TENT4A: variants seen among roughly 807,000 people sequenced by gnomAD.
The protein encoded by TENT4A is DNA polymerase kappa.
In TENT4A, 7 loss-of-function variants were observed where a neutral mutation model predicts 72.8. The observed-to-expected ratio is 0.10, with a 90% confidence interval of 0.05 to 0.18. The LOEUF (loss-of-function observed/expected upper bound fraction) is 0.18. Ranked by LOEUF, TENT4A falls within the 10% of genes least tolerant of loss-of-function variation. The probability of loss-of-function intolerance (pLI) is 1.00; values close to 1 mark genes in which losing one functional copy is unlikely to be tolerated. For synonymous variants in TENT4A, 456 were observed against 434.3 expected (o/e 1.05, Z -0.62); for missense variants, 831 against 1,017.7 (o/e 0.82, Z 2.50).
intron 1 of TENT4A, among the ~76,000 whole-genome samples, chr5:6,724,016 G>C (rs926949550): frequency 6.6e-6 from 1 of 152,248 alleles, no homozygotes; most frequent in African/African-American, 2.4e-5. Flanking sequence ...TGGCAGCGCA[G>C]CTGCCTCAGT....
At position 6,714,636 on chromosome 5, in the gene TENT4A, G is replaced by C; in HGVS notation, c.653G>C (p.Gly218Ala). Reference protein sequence around the residue: ...AAALSGGGGPGAQAPRPGTPW... With the variant: ...AAALSGGGGPAAQAPRPGTPW... ...GCTCTCAGCGGAGGGGGCGGCCCCG[G>C]GGCCCAGGCGCCGCGGCCCGGCACC... Residue 218 changes from glycine to alanine, a missense_variant, in exon 1 of 13, where the codon GGG becomes GCG. Around this residue, in one of 3 missense-constraint regions of TENT4A, gnomAD observed 302 missense variants for 293.8 expected, o/e 1.03. Coordinates refer to ENST00000230859, the MANE Select transcript of TENT4A (RefSeq NM_006999.6). 1 of 1,198,942 alleles carries C rather than the reference G, an allele frequency of 8.3e-7. No individual in the cohort carries two copies. Among genetic ancestry groups the C allele is most frequent in the African/African-American group, 1.6e-5 (1 of 63,124 alleles). The allele number at this position is 1,198,942 out of a possible 1,614,324, so 74.3% of individuals were successfully genotyped here.
At position 6,755,773 on chromosome 5, in the gene TENT4A, C is replaced by T. The variant is rs1405702778; in HGVS notation, c.*828C>T. Reference sequence around the variant, plus strand: ...CCCCAGGCCGTTGTCCTGCTCTGACCACAGAGTTTTAATGTTTTGGTTTTC... The same window carrying T: ...CCCCAGGCCGTTGTCCTGCTCTGACTACAGAGTTTTAATGTTTTGGTTTTC... On this transcript the variant is annotated 3_prime_UTR_variant, in exon 13 of 13. Coordinates refer to ENST00000230859, the MANE Select transcript of TENT4A (RefSeq NM_006999.6). 2 of 152,284 alleles carry T rather than the reference C, an allele frequency of 1.3e-5. No homozygotes were observed. Among genetic ancestry groups the T allele is most frequent in the African/African-American group, 4.8e-5 (2 of 41,472 alleles). The allele number at this position is 152,284 out of a possible 1,614,324, so 9.4% of individuals were successfully genotyped here. A position where few individuals can be genotyped will look rare whatever the true frequency, so the allele number is the denominator to read the frequency against.
chr5:6,734,213 C>T (rs187295), intron 1 of TENT4A, among the ~76,000 whole-genome samples: 43,536 of 152,156 alleles, frequency 0.29, 6,688 homozygotes, highest in East Asian at 0.41. Flanking sequence ...TGGGTGGGCA[C>T]GGCTGGGCGG....
Position 6,751,133 on chromosome 5 carries a change from C to G in TENT4A, c.1955C>G (p.Pro652Arg). ...PLMAGLPTAL[P>R]MPSGKPQPTT... Reference sequence around the variant, plus strand: ...ATGGCCGGCTTACCCACCGCCTTGCCAATGCCCAGTGGCAAACCTCAGCCC... The same window carrying G: ...ATGGCCGGCTTACCCACCGCCTTGCGAATGCCCAGTGGCAAACCTCAGCCC... Residue 652 changes from proline to arginine, a missense_variant, in exon 11 of 13, where the codon CCA becomes CGA. Around this residue, in one of 3 missense-constraint regions of TENT4A, gnomAD observed 332 missense variants for 324.3 expected, o/e 1.02. Transcript: ENST00000230859. 6.2e-7 allele frequency: 1 copy of G among 1,614,228 alleles called. No homozygotes were observed. The highest frequency in any genetic ancestry group is 8.5e-7 in the Non-Finnish European group (1 of 1,180,046).
At chr5:6,751,513 G>A (rs949028001) in intron 11 of TENT4A, 2 of 286,662 alleles carry the variant, frequency 7.0e-6, no homozygotes, top group South Asian at 7.2e-5. Flanking sequence ...TTGAGAGAGC[G>A]ACTCAGTCAC....
intron 1 of TENT4A, among the ~76,000 whole-genome samples, chr5:6,727,448 ACT>A (rs1478431571): frequency 2.0e-5 from 3 of 151,368 alleles, no homozygotes; most frequent in African/African-American, 4.9e-5. Context: ...CAGGCTTCGG[ACT>A]CTCTGCTCTG....
In TENT4A at chr5:6,714,425, G is replaced by A; in HGVS notation, c.442G>A (p.Ala148Thr). The A allele has an allele frequency of 2.6e-6, 3 of 1,161,926 alleles. No homozygotes were observed. Among genetic ancestry groups the A allele is most frequent in the Non-Finnish European group, 3.2e-6 (3 of 943,378 alleles). The allele number at this position is 1,161,926 out of a possible 1,614,324, so 72.0% of individuals were successfully genotyped here. A position where few individuals can be genotyped will look rare whatever the true frequency, so the allele number is the denominator to read the frequency against. The change falls in exon 1 of 13, where the codon GCC becomes ACC. Residue 148 changes from alanine to threonine, a missense_variant. Physicochemically the swap from Ala to Thr is moderately conservative, Grantham distance 58. Transcript: ENST00000230859. Reference protein sequence around the residue: ...LGRPGGGRGGAFFNFADGAPS... With the variant: ...LGRPGGGRGGTFFNFADGAPS... Reference sequence around the variant, plus strand: ...CCGGCCGGGCGGCGGCCGCGGCGGCGCCTTCTTCAACTTCGCCGACGGCGC... The same window carrying A: ...CCGGCCGGGCGGCGGCCGCGGCGGCACCTTCTTCAACTTCGCCGACGGCGC...
At position 6,752,967 on chromosome 5, in the gene TENT4A, A is replaced by G. The variant is rs1355630247; in HGVS notation, c.2114A>G (p.His705Arg). 1.9e-6 allele frequency: 3 copies of G among 1,614,178 alleles called. No homozygotes were observed. Among genetic ancestry groups the G allele is most frequent in the Middle Eastern group, 1.7e-4 (1 of 6,060 alleles). ...VEGTASLKAV[H>R]HMSSPAIPSA... ...GGAACTGCGTCTTTGAAAGCCGTCC[A>G]CCACATGTCTTCCCCGGCCATTCCC... Residue 705 changes from histidine (H) to arginine (R), a missense_variant, in exon 12 of 13, where the codon CAC becomes CGC. Physicochemically the swap from His to Arg is conservative, Grantham distance 29. Coordinates refer to ENST00000230859, the MANE Select transcript of TENT4A (RefSeq NM_006999.6).
At position 6,714,629 on chromosome 5, in the gene TENT4A, G is replaced by T; in HGVS notation, c.646G>T (p.Gly216Cys). 1 of 1,198,282 alleles carries T rather than the reference G, an allele frequency of 8.3e-7. No homozygotes were observed. The highest frequency in any genetic ancestry group is 1.0e-6 in the Non-Finnish European group (1 of 966,292). 74.2% of individuals were successfully genotyped at this position (1,198,282 alleles called of 1,614,324 possible). Residue 216 changes from glycine to cysteine, a missense_variant, in exon 1 of 13, where the codon GGC becomes TGC. Transcript: ENST00000230859. ...SRAAALSGGGGPGAQAPRPGT... is the reference protein window; with the variant it reads ...SRAAALSGGGCPGAQAPRPGT... ...CGCGGCCGCTCTCAGCGGAGGGGGC[G>T]GCCCCGGGGCCCAGGCGCCGCGGCC...
chr5:6,725,551 G>A (rs554121371), intron 1 of TENT4A, among the ~76,000 whole-genome samples: 32 of 152,312 alleles, frequency 2.1e-4, no homozygotes, highest in Admixed American at 1.3e-3. Context: ...GAGAGGCTGC[G>A]GACCACCTGC....
chr5:6,745,911 A>G (rs994954400), intron 6 of TENT4A: 6 of 637,782 alleles, frequency 9.4e-6, no homozygotes, highest in Non-Finnish European at 1.1e-5. Flanking sequence ...TGCAGAATAT[A>G]GTCCAACTTA....
At position 6,714,252 on chromosome 5, in the gene TENT4A, C is replaced by A. The variant is rs1740243772; in HGVS notation, c.269C>A (p.Thr90Lys). 2 of 1,031,476 alleles carry A rather than the reference C, an allele frequency of 1.9e-6. No homozygotes were observed. The highest frequency in any genetic ancestry group is 4.5e-5 in the South Asian group (1 of 22,442). 63.9% of individuals were successfully genotyped at this position (1,031,476 alleles called of 1,614,324 possible). Residue 90 changes from threonine to lysine, a missense_variant, in exon 1 of 13, where the codon ACG becomes AAG. Physicochemically the swap from Thr to Lys is moderately conservative, Grantham distance 78. This residue lies in a region of TENT4A where 302 missense variants were observed against 293.8 expected (regional missense o/e 1.03). Transcript: ENST00000230859. Reference sequence around the variant, plus strand: ...GCCGCGCTGCCCCCCGCGCTGCTGACGGCGCTGGGGCCCGCGGCCGAGGGC... The same window carrying A: ...GCCGCGCTGCCCCCCGCGCTGCTGAAGGCGCTGGGGCCCGCGGCCGAGGGC... ...APAALPPALLTALGPAAEGAR... is the reference protein window; with the variant it reads ...APAALPPALLKALGPAAEGAR...
At chr5:6,747,325 A>G (rs186763183) in intron 7 of TENT4A, among the ~76,000 whole-genome samples, 27 of 152,204 alleles carry the variant, frequency 1.8e-4, no homozygotes, top group African/African-American at 5.8e-4. Context: ...GCTGTGTGCA[A>G]GGCCTGTGTG....
At chr5:6,746,153 T>C in intron 6 of TENT4A, 61 bp from the exon 7 acceptor site, 5 of 1,612,470 alleles carry the variant, frequency 3.1e-6, no homozygotes, top group Non-Finnish European at 4.2e-6. Context: ...CTTCGTCGCG[T>C]GCTATTTTCT....
chr5:6,726,839 T>A (rs1266392609), intron 1 of TENT4A, among the ~76,000 whole-genome samples: 1 of 152,196 alleles, frequency 6.6e-6, no homozygotes, highest in Non-Finnish European at 1.5e-5. Context: ...TCTCAGTTGC[T>A]TGCTTGAGGA....
chr5:6,744,078 T>C (rs1294888281), intron 6 of TENT4A, among the ~76,000 whole-genome samples: 3 of 152,234 alleles, frequency 2.0e-5, no homozygotes, highest in African/African-American at 7.2e-5. Context: ...GTTCTGTGAG[T>C]CCAGTGCACA....
In TENT4A at chr5:6,754,775, A is replaced by C. The variant is rs1742599474; in HGVS notation, c.2209A>C (p.Met737Leu). 6.3e-7 allele frequency: 1 copy of C among 1,593,396 alleles called. No homozygotes were observed. Among genetic ancestry groups the C allele is most frequent in the African/African-American group, 1.3e-5 (1 of 74,544 alleles). ...HKQHNGMKLS[M>L]KGSHGHTQGG... ...GCAGCACAACGGCATGAAACTGTCC[A>C]TGAAGGGCTCTCACGGCCACACCCA... Residue 737 changes from methionine to leucine, a missense_variant, in exon 13 of 13, where the codon ATG (methionine) becomes CTG (leucine). Physicochemically the swap from Met to Leu is conservative, Grantham distance 15. Around this residue, in one of 3 missense-constraint regions of TENT4A, gnomAD observed 332 missense variants for 324.3 expected, o/e 1.02. Transcript: ENST00000230859.
intron 12 of TENT4A, among the ~76,000 whole-genome samples, chr5:6,753,543 A>G (rs1742529304): frequency 6.6e-6 from 1 of 152,170 alleles, no homozygotes; most frequent in African/African-American, 2.4e-5. Context: ...GGCTCCTCTC[A>G]AGTCCAGCTG....
At chr5:6,734,804 C>T (rs1412455815) in intron 1 of TENT4A, among the ~76,000 whole-genome samples, 1 of 152,230 alleles carries the variant, frequency 6.6e-6, no homozygotes, top group East Asian at 1.9e-4. Context: ...ATTAATCTCT[C>T]CTGATTTAGG....
Sources: allele counts gnomAD v4.1 joint callset (sites outside exome capture counted in the v4.1 genomes callset), GRCh38; gene constraint gnomAD v4.1.1; regional missense constraint gnomAD v4.1.1; transcripts MANE v1.5; gene names NCBI Gene and HGNC (gene_info 2026-07-23, HGNC 2026-07-21).